SLC14A2: variants seen among roughly 807,000 people sequenced by gnomAD.
SLC14A2 encodes solute carrier family 14 member 2, also known as urea transporter 2.
Under a neutral mutation model 104.6 loss-of-function variants are expected in SLC14A2, and 91 were observed. The ratio of observed to expected loss-of-function variants is 0.87; its 90% confidence interval spans 0.73 to 1.04. The LOEUF is 1.04. SLC14A2 is among the 50% of genes least tolerant of loss of function. SLC14A2 has a pLI of 0.00. For missense variants in SLC14A2, 1,189 were observed against 1,156.0 expected (o/e 1.03, Z -0.41); for synonymous variants, 476 against 466.4 (o/e 1.02, Z -0.27).
chr18:45,644,171 A>G lies in SLC14A2; in HGVS notation c.1351+11A>G, dbSNP rs773486632. ...AGAAGGCCCCCAGCGGTGAATAGCC[A>G]TGTTCGGGGAAGAAACGCTCTTTGC... On this transcript the variant is annotated intron_variant, in intron 10 of 19. Coordinates refer to ENST00000255226, the MANE Select transcript of SLC14A2 (RefSeq NM_007163.4). 3 of 1,613,768 alleles carry G rather than the reference A, an allele frequency of 1.9e-6. No homozygotes were observed. Among genetic ancestry groups the G allele is most frequent in the Admixed American group, 1.7e-5 (1 of 60,004 alleles).
chr18:45,510,072 A>G (rs1476573278), intron 2 of SLC14A2, among the ~76,000 whole-genome samples: 2 of 152,186 alleles, frequency 1.3e-5, no homozygotes, highest in African/African-American at 4.8e-5. Context: ...TTCCAGGCTC[A>G]GTTTCTTCTT....
intron 1 of SLC14A2, among the ~76,000 whole-genome samples, chr18:45,320,252 A>G (rs1050949490): frequency 6.6e-6 from 1 of 152,170 alleles, no homozygotes; most frequent in Admixed American, 6.5e-5. Context: ...TCTAGACTGG[A>G]TGATCTCTAA....
chr18:45,191,501 C>G, the SLC14A2 span, among the ~76,000 whole-genome samples: 2 of 152,136 alleles, frequency 1.3e-5, no homozygotes, highest in African/African-American at 4.8e-5. Flanking sequence ...AATTATGGAA[C>G]AATTTCTAAG....
At chr18:45,653,248 G>T (rs1284879149) in intron 10 of SLC14A2, among the ~76,000 whole-genome samples, 2 of 152,018 alleles carry the variant, frequency 1.3e-5, no homozygotes, top group African/African-American at 4.8e-5. Context: ...TGGAATGTGG[G>T]GGCCTGCTGG....
chr18:45,380,945 C>G (rs533814201), intron 1 of SLC14A2, among the ~76,000 whole-genome samples: 1 of 152,340 alleles, frequency 6.6e-6, no homozygotes, highest in African/African-American at 2.4e-5. Context: ...AATGCTTTGT[C>G]AACTCTGAAG....
At chr18:45,586,208 A>G (rs2044565066) in intron 2 of SLC14A2, among the ~76,000 whole-genome samples, 1 of 152,128 alleles carries the variant, frequency 6.6e-6, no homozygotes, top group African/African-American at 2.4e-5. Flanking sequence ...ACTCTAGGTG[A>G]GGTGGTCACA....
chr18:45,245,162 G>C (rs2084356832), intron 1 of SLC14A2, among the ~76,000 whole-genome samples: 1 of 152,164 alleles, frequency 6.6e-6, no homozygotes. Flanking sequence ...TGTATAACAG[G>C]CAATGGAGCA....
At position 45,639,893 on chromosome 18, in the gene SLC14A2, G is replaced by C; in HGVS notation, c.991G>C (p.Ala331Pro). 2.5e-6 allele frequency: 4 copies of C among 1,612,800 alleles called. No homozygotes were observed. Among genetic ancestry groups the C allele is most frequent in the Non-Finnish European group, 3.4e-6 (4 of 1,179,740 alleles). Reference protein sequence around the residue: ...AIGSIVGLLAALSVATPFETI... With the variant: ...AIGSIVGLLAPLSVATPFETI... ...TGGCTCAATCGTGGGGCTGCTAGCA[G>C]GTAGGACAGAGCTCCCTCTCTTCAG... The change falls in exon 7 of 20, where the codon GCC becomes CCC. Residue 331 changes from alanine to proline, a missense_variant and splice_region_variant. By Grantham distance (27) the Ala-to-Pro change is conservative. Coordinates refer to ENST00000255226, the MANE Select transcript of SLC14A2 (RefSeq NM_007163.4).
intron 1 of SLC14A2, among the ~76,000 whole-genome samples, chr18:45,312,982 G>A (rs370411424): frequency 3.9e-5 from 6 of 152,160 alleles, no homozygotes; most frequent in African/African-American, 1.4e-4. Flanking sequence ...CATACATGGT[G>A]CACACCCTCC....
At chr18:45,387,727 G>A (rs914355747) in intron 1 of SLC14A2, among the ~76,000 whole-genome samples, 8 of 152,134 alleles carry the variant, frequency 5.3e-5, no homozygotes, top group Non-Finnish European at 8.8e-5. Flanking sequence ...ATGTCTCTTC[G>A]AATGTAGAAA....
At chr18:45,367,820 A>G (rs955678798) in intron 1 of SLC14A2, among the ~76,000 whole-genome samples, 2 of 152,160 alleles carry the variant, frequency 1.3e-5, no homozygotes, top group Non-Finnish European at 2.9e-5. Flanking sequence ...CTGCTATAAG[A>G]GGCTATCTTG....
intron 1 of SLC14A2, among the ~76,000 whole-genome samples, chr18:45,216,677 G>A (rs2084013765): frequency 6.6e-6 from 1 of 152,090 alleles, no homozygotes; most frequent in African/African-American, 2.4e-5. Context: ...AGAGCTCTGA[G>A]AACCACCTAT....
intron 5 of SLC14A2, 85 bp downstream of exon 5, chr18:45,632,563 A>G: frequency 6.8e-7 from 1 of 1,464,804 alleles, no homozygotes; most frequent in Non-Finnish European, 9.3e-7. Context: ...CAGGACATAC[A>G]CATGTGGGAC....
intron 1 of SLC14A2, among the ~76,000 whole-genome samples, chr18:45,372,761 A>G (rs1026684975): frequency 6.6e-5 from 10 of 152,176 alleles, no homozygotes; most frequent in African/African-American, 2.2e-4. Context: ...TAGGAATATA[A>G]TGCAAGCCAT....
upstream of SLC14A2, among the ~76,000 whole-genome samples, chr18:45,210,193 T>C (rs886281289): frequency 1.3e-5 from 2 of 152,188 alleles, no homozygotes; most frequent in South Asian, 4.1e-4. Context: ...ACCCATAGAT[T>C]GAAGTTGGTA....
At chr18:45,299,524 C>G (rs905021094) in intron 1 of SLC14A2, among the ~76,000 whole-genome samples, 2 of 152,200 alleles carry the variant, frequency 1.3e-5, no homozygotes, top group African/African-American at 4.8e-5. Context: ...TGCAGTGGCA[C>G]AATCTCAGCT....
At chr18:45,182,293 G>A in the SLC14A2 span, among the ~76,000 whole-genome samples, 2 of 151,672 alleles carry the variant, frequency 1.3e-5, no homozygotes, top group Non-Finnish European at 2.9e-5. Flanking sequence ...AAAAAGATAG[G>A]ATAAGAGACA....
intron 1 of SLC14A2, among the ~76,000 whole-genome samples, chr18:45,282,997 C>T (rs1311250607): frequency 4.6e-5 from 7 of 152,186 alleles, no homozygotes; most frequent in African/African-American, 4.8e-5. Context: ...GATGGACCTC[C>T]GGCCCGGTTA....
chr18:45,662,508 G>T (rs1051143633), intron 10 of SLC14A2, among the ~76,000 whole-genome samples: 1 of 152,140 alleles, frequency 6.6e-6, no homozygotes, highest in African/African-American at 2.4e-5. Flanking sequence ...AGTAGTTCTG[G>T]GGTAGGGCCT....
Sources: allele counts gnomAD v4.1 joint callset (sites outside exome capture counted in the v4.1 genomes callset), GRCh38; gene constraint gnomAD v4.1.1; transcripts MANE v1.5; gene names NCBI Gene and HGNC (gene_info 2026-07-23, HGNC 2026-07-21).